The following EPHA6 variants were observed in gnomAD, a reference collection of about 807,000 sequenced individuals.
The protein encoded by EPHA6 is ephrin type-A receptor 6.
A neutral mutation model predicts 112.0 loss-of-function variants in EPHA6; 50 were observed. The ratio of observed to expected loss-of-function variants is 0.45; its 90% CI spans 0.36 to 0.56. The LOEUF is 0.56. EPHA6 is among the 20% of genes least tolerant of loss of function. EPHA6 has a pLI of 0.00. For synonymous variants in EPHA6, 529 were observed against 490.7 expected, an observed-to-expected ratio of 1.08 and a Z score of -1.03; for missense variants, 1,280 against 1,417.4, an observed-to-expected ratio of 0.90 and a Z score of 1.56.
chr3:97,103,067 A>G (rs748741581), intron 3 of EPHA6, among the ~76,000 whole-genome samples: 3 of 152,032 alleles, frequency 2.0e-5, no homozygotes, highest in Non-Finnish European at 4.4e-5. Context: ...ATTTTCTTCC[A>G]TTCTGTAGGT....
At chr3:97,035,471 A>G (rs1043596164) in intron 3 of EPHA6, among the ~76,000 whole-genome samples, 3 of 151,818 alleles carry the variant, frequency 2.0e-5, no homozygotes, top group Admixed American at 1.3e-4. Flanking sequence ...CCTCAACTAT[A>G]TTTTGAAACA....
intron 7 of EPHA6, among the ~76,000 whole-genome samples, chr3:97,457,891 C>G (rs1412618493): frequency 6.6e-6 from 1 of 151,242 alleles, no homozygotes; most frequent in African/African-American, 2.4e-5. Context: ...ATGGTGAAAC[C>G]CCCCTCTCTA....
Position 96,971,863 on chromosome 3 carries a change from T to A in EPHA6, c.451-15467T>A, listed in dbSNP as rs147765008. 1.2e-3 allele frequency among the ~76,000 whole-genome samples: 182 copies of A among 152,260 alleles called. 1 individual carries two copies. Among genetic ancestry groups the A allele is most frequent in the African/African-American group, 4.2e-3 (173 of 41,566 alleles). On this transcript the variant is annotated intron_variant, in intron 2 of 17. Coordinates refer to ENST00000389672, the MANE Select transcript of EPHA6 (RefSeq NM_001080448.3). Reference sequence around the variant, plus strand: ...TCTTAGAATGAAGTTGAAGATTTTATTTCCCTTTTTGGCTCTCTTTCCCAT... The same window carrying A: ...TCTTAGAATGAAGTTGAAGATTTTAATTCCCTTTTTGGCTCTCTTTCCCAT...
intron 10 of EPHA6, among the ~76,000 whole-genome samples, chr3:97,489,376 C>G (rs1001508613): frequency 6.6e-6 from 1 of 152,152 alleles, no homozygotes; most frequent in Non-Finnish European, 1.5e-5. Flanking sequence ...TCAACAAACT[C>G]TTTTTCTTTT....
intron 3 of EPHA6, among the ~76,000 whole-genome samples, chr3:97,014,269 A>G (rs1236657911): frequency 6.6e-6 from 1 of 152,028 alleles, no homozygotes; most frequent in African/African-American, 2.4e-5. Flanking sequence ...TAAATATTAA[A>G]ATGATTTTTC....
chr3:97,358,019 G>T (rs1198254454), intron 5 of EPHA6, among the ~76,000 whole-genome samples: 1 of 152,094 alleles, frequency 6.6e-6, no homozygotes, highest in Non-Finnish European at 1.5e-5. Flanking sequence ...AGGAGAGGCA[G>T]AAACATTTTG....
chr3:97,187,740 A>AGAAAGAAG (rs1559784751), intron 3 of EPHA6, among the ~76,000 whole-genome samples: 1 of 147,856 alleles, frequency 6.8e-6, no homozygotes. Context: ...AAAGAAAGAA[A>AGAAAGAAG]GAAAGAGGAA....
At chr3:97,594,375 T>A (rs2093569810) in intron 12 of EPHA6, among the ~76,000 whole-genome samples, 1 of 152,184 alleles carries the variant, frequency 6.6e-6, no homozygotes, top group Non-Finnish European at 1.5e-5. Context: ...TAAGCCAAAT[T>A]TGCCTCAAGC....
At chr3:97,605,700 C>A (rs1314621095) in intron 12 of EPHA6, among the ~76,000 whole-genome samples, 1 of 151,556 alleles carries the variant, frequency 6.6e-6, no homozygotes, top group East Asian at 1.9e-4. Context: ...CAGCTTTGTT[C>A]TCTTTGCTTA....
chr3:97,236,541 C>T (rs2078685810), intron 4 of EPHA6, among the ~76,000 whole-genome samples: 1 of 152,090 alleles, frequency 6.6e-6, no homozygotes, highest in Non-Finnish European at 1.5e-5. Flanking sequence ...AAGTCATACA[C>T]ATGGGTAAAT....
chr3:97,193,092 T>C (rs991896710), intron 3 of EPHA6, among the ~76,000 whole-genome samples: 16 of 152,170 alleles, frequency 1.1e-4, no homozygotes, highest in Non-Finnish European at 2.1e-4. Context: ...AGTTTTATTC[T>C]TTTTGCTCAG....
At chr3:97,470,035 T>C (rs2091180056) in intron 7 of EPHA6, among the ~76,000 whole-genome samples, 1 of 151,640 alleles carries the variant, frequency 6.6e-6, no homozygotes, top group Non-Finnish European at 1.5e-5. Context: ...ATCTACAAAG[T>C]CACAAGTTTA....
intron 3 of EPHA6, among the ~76,000 whole-genome samples, chr3:97,063,379 G>C (rs1016354884): frequency 1.3e-5 from 2 of 152,128 alleles, no homozygotes; most frequent in African/African-American, 2.4e-5. Flanking sequence ...CCATAAAAAG[G>C]AACAAGATAG....
At position 97,317,542 on chromosome 3, in the gene EPHA6, C is replaced by T. The variant is rs373798606; in HGVS notation, c.1606+73255C>T. On this transcript the variant is annotated intron_variant, in intron 5 of 17. Coordinates refer to ENST00000389672, the MANE Select transcript of EPHA6 (RefSeq NM_001080448.3). ...TGTTTTCCCATTTCCTTTTTTGTTT[C>T]GATATACCCTTCAGATTGGACTGAT... Among the ~76,000 whole-genome samples the T allele has an allele frequency of 8.4e-4, 128 of 151,758 alleles. 2 individuals are homozygous for T. The highest frequency in any genetic ancestry group is 2.7e-3 in the African/African-American group (111 of 41,360).
intron 1 of EPHA6, among the ~76,000 whole-genome samples, chr3:96,864,043 G>A (rs1404673205): frequency 6.6e-6 from 1 of 152,138 alleles, no homozygotes; most frequent in African/African-American, 2.4e-5. Flanking sequence ...TTGCACACCT[G>A]ATAGAATGAC....
At chr3:97,698,296 G>A (rs1206449503) in intron 14 of EPHA6, among the ~76,000 whole-genome samples, 3 of 152,076 alleles carry the variant, frequency 2.0e-5, no homozygotes, top group African/African-American at 7.2e-5. Context: ...GTCGTGACCG[G>A]CAGCCAATAT....
At chr3:97,556,586 C>G (rs758127631) in intron 11 of EPHA6, among the ~76,000 whole-genome samples, 1 of 151,974 alleles carries the variant, frequency 6.6e-6, no homozygotes, top group Non-Finnish European at 1.5e-5. Context: ...TAACTGCCTC[C>G]ATGATTCAAT....
chr3:97,119,659 A>C (rs1291441759), intron 3 of EPHA6, among the ~76,000 whole-genome samples: 1 of 152,072 alleles, frequency 6.6e-6, no homozygotes, highest in Admixed American at 6.6e-5. Context: ...GAATGAAGAA[A>C]TGGAAGTATT....
intron 3 of EPHA6, among the ~76,000 whole-genome samples, chr3:97,140,336 G>T (rs957950001): frequency 2.6e-5 from 4 of 152,108 alleles, no homozygotes; most frequent in African/African-American, 7.2e-5. Context: ...AAAGCCCAGA[G>T]AGCATATGGA....
Sources: allele counts gnomAD v4.1 joint callset (sites outside exome capture counted in the v4.1 genomes callset), GRCh38; gene constraint gnomAD v4.1.1; transcripts MANE v1.5; gene names NCBI Gene and HGNC (gene_info 2026-07-23, HGNC 2026-07-21).